Variants in SEC14L1 observed in about 807,000 individuals in gnomAD.
SEC14L1 encodes SEC14-like protein 1.
Under a neutral mutation model 85.3 loss-of-function variants are expected in SEC14L1, and 48 were observed. That is an observed-to-expected ratio of 0.56 (90% CI 0.45 to 0.72). The LOEUF (loss-of-function observed/expected upper bound fraction) is 0.72, where lower values mean the gene tolerates loss of function less well. Among genes scored for constraint, SEC14L1 ranks in the 30% least tolerant of loss-of-function variants. The pLI is 0.00. For missense variants in SEC14L1, 682 were observed against 921.4 expected, an observed-to-expected ratio of 0.74 and a Z score of 3.36; for synonymous variants, 391 against 355.5, an observed-to-expected ratio of 1.10 and a Z score of -1.12.
chr17:77,212,235 T>C (rs1324194181), intron 15 of SEC14L1, 34 bp downstream of exon 15: 1 of 1,607,574 alleles, frequency 6.2e-7, no homozygotes, highest in Non-Finnish European at 8.5e-7. Context: ...CGCGCATCCG[T>C]GACTCCACAC....
chr17:77,111,009 C>T (rs1013096692), intron 3 of SEC14L1, among the ~76,000 whole-genome samples: 3 of 151,098 alleles, frequency 2.0e-5, no homozygotes, highest in African/African-American at 7.3e-5. Context: ...GCCTTGCCAA[C>T]ATGGTGAAAC....
At chr17:77,107,212 A>G (rs140817181) in intron 3 of SEC14L1, among the ~76,000 whole-genome samples, 94 of 152,260 alleles carry the variant, frequency 6.2e-4, no homozygotes, top group African/African-American at 2.1e-3. Context: ...CTTCAGGACC[A>G]CTTAGCCCAC....
chr17:77,164,828 G>T (rs974661708), intron 3 of SEC14L1, among the ~76,000 whole-genome samples: 1 of 152,156 alleles, frequency 6.6e-6, no homozygotes, highest in African/African-American at 2.4e-5. Flanking sequence ...ATAATTGTGT[G>T]GCAGAGAAGG....
rs578095610 is a variant in SEC14L1, at chr17:77,191,224, T to G, written c.257T>G (p.Leu86Arg). The change falls in exon 5 of 17, where the codon CTG (leucine) becomes CGG (arginine). Residue 86 changes from leucine to arginine, a missense_variant. Leu to Arg is a moderately radical substitution (Grantham distance 102). Transcript: ENST00000436233. ...GTTTATTTTGTCCAGAAAAACTCACTGAATTCTCGGGAACGTACTTTGCAC... is the reference window on the plus strand; with the variant it reads ...GTTTATTTTGTCCAGAAAAACTCACGGAATTCTCGGGAACGTACTTTGCAC... ...DYVYFVQKNS[L>R]NSRERTLHIE... 1.2e-6 allele frequency: 2 copies of G among 1,613,778 alleles called. No homozygotes were observed. The highest frequency in any genetic ancestry group is 2.2e-5 in the South Asian group (2 of 91,078).
chr17:77,185,586 G>A (rs1216743357), intron 3 of SEC14L1, among the ~76,000 whole-genome samples: 2 of 152,144 alleles, frequency 1.3e-5, no homozygotes, highest in African/African-American at 2.4e-5. Flanking sequence ...CTTAGTAAGT[G>A]CTTACTCTGC....
upstream of SEC14L1, among the ~76,000 whole-genome samples, chr17:77,139,538 A>C (rs1254747): frequency 0.99 from 145,713 of 147,552 alleles, 71,980 homozygotes; most frequent in East Asian, 1. Context: ...CGCTCTGTCG[A>C]CCAGGCTGGG....
At chr17:77,201,805 G>A (rs1027364511) in intron 9 of SEC14L1, among the ~76,000 whole-genome samples, 5 of 152,242 alleles carry the variant, frequency 3.3e-5, no homozygotes, top group South Asian at 4.2e-4. Flanking sequence ...AGGCCTTTCC[G>A]TAAGATTTTG....
intron 9 of SEC14L1, among the ~76,000 whole-genome samples, chr17:77,203,231 C>T (rs563819715): frequency 1.3e-3 from 196 of 152,326 alleles, no homozygotes; most frequent in Non-Finnish European, 2.4e-3. Flanking sequence ...GTGAGCCCAG[C>T]TTATGGGCAG....
intron 1 of SEC14L1, chr17:77,141,815 T>G (rs576594124): frequency 4.6e-5 from 7 of 152,178 alleles, no homozygotes; most frequent in Non-Finnish European, 1.0e-4. Flanking sequence ...TTCCCCCAAC[T>G]CTTGTTTGTA....
intron 3 of SEC14L1, among the ~76,000 whole-genome samples, chr17:77,146,091 C>G (rs1973289550): frequency 6.6e-6 from 1 of 152,184 alleles, no homozygotes; most frequent in Non-Finnish European, 1.5e-5. Flanking sequence ...TGCCCTGGTC[C>G]TGGGTTTGAG....
At position 77,205,321 on chromosome 17, in the gene SEC14L1, A is replaced by G; in HGVS notation, c.1144A>G (p.Thr382Ala). The part of the protein sequence containing the change: ...EEGLRRCEEN[T>A]KVFGRPISSW... ...AGGGCTAAGGCGATGCGAAGAGAAT[A>G]CAAAAGTCTTTGGTCGGCCTATCAG... Residue 382 changes from threonine (T) to alanine (A), a missense_variant, in exon 11 of 17, where the codon ACA becomes GCA. This residue lies in a region of SEC14L1 where 420 missense variants were observed against 619.5 expected (regional missense o/e 0.68). Coordinates refer to ENST00000436233, the MANE Select transcript of SEC14L1 (RefSeq NM_001143998.2). The G allele has an allele frequency of 6.2e-7, 1 of 1,614,216 alleles. No individual in the cohort carries two copies. The highest frequency in any genetic ancestry group is 8.5e-7 in the Non-Finnish European group (1 of 1,180,028).
In SEC14L1 at chr17:77,215,753, G is replaced by A. The variant is rs1474341443; in HGVS notation, c.*1730G>A. The A allele has an allele frequency of 4.2e-5, 41 of 987,034 alleles. No homozygotes were observed. The highest frequency in any genetic ancestry group is 1.8e-4 in the Admixed American group (3 of 16,596). The allele number at this position is 987,034 out of a possible 1,614,324, so 61.1% of individuals were successfully genotyped here. A position where few individuals can be genotyped will look rare whatever the true frequency, so the allele number is the denominator to read the frequency against. ...GTAGGGCTAGTAGGTAGGGTTAGTA[G>A]GTAGGGCTAGTAGGTAGGGCTAGTA... On this transcript the variant is annotated 3_prime_UTR_variant, in exon 17 of 17. Coordinates refer to ENST00000436233, the MANE Select transcript of SEC14L1 (RefSeq NM_001143998.2).
In SEC14L1 at chr17:77,121,522, C is replaced by T. The variant is rs565979600; in HGVS notation, c.-135-21124C>T. On this transcript the variant is annotated intron_variant, in intron 3 of 19. Transcript: ENST00000392476. ...TACAGGCACGTGCCACCATGCCCGG[C>T]TAATTTTTGTATTTTCAGTAGAGAC... Among the ~76,000 whole-genome samples the T allele has an allele frequency of 3.3e-5, 5 of 152,242 alleles. No individual in the cohort carries two copies. The South Asian group carries it at 1.0e-3, about 32-fold the overall frequency.
chr17:77,213,790 T>G lies in SEC14L1; in HGVS notation c.2043-128T>G, dbSNP rs976986463. On this transcript the variant is annotated intron_variant, in intron 16 of 16. Transcript: ENST00000436233. This position sits in a 1 kb window ranked among gnomAD's most constrained non-coding sequence, Gnocchi z 7.1. Reference sequence around the variant, plus strand: ...GGGTTACTCATGTCCATCCCCCGTTTGCAAGCACTGATGGGGATGAGAAGT... The same window carrying G: ...GGGTTACTCATGTCCATCCCCCGTTGGCAAGCACTGATGGGGATGAGAAGT... 6.5e-6 allele frequency: 8 copies of G among 1,230,546 alleles called. No individual in the cohort carries two copies. The African/African-American group carries it at 1.2e-4, about 18-fold the overall frequency. The allele number at this position is 1,230,546 out of a possible 1,614,324, so 76.2% of individuals were successfully genotyped here. A position where few individuals can be genotyped will look rare whatever the true frequency, so the allele number is the denominator to read the frequency against.
intron 3 of SEC14L1, among the ~76,000 whole-genome samples, chr17:77,177,681 A>G (rs1205697333): frequency 6.6e-6 from 1 of 152,168 alleles, no homozygotes; most frequent in African/African-American, 2.4e-5. Context: ...AGATCTGAAT[A>G]GTAGTCTTGC....
chr17:77,137,026 C>T (rs923799913), upstream of SEC14L1, among the ~76,000 whole-genome samples: 1 of 151,994 alleles, frequency 6.6e-6, no homozygotes, highest in Non-Finnish European at 1.5e-5. Flanking sequence ...TCTCCTGCCT[C>T]AGCCTCCAGA....
rs1653729755 is a variant in SEC14L1, at chr17:77,215,311, G to A, written c.*1288G>A. ...AGGTTATTTGAGAATCTGTCCAGAA[G>A]TTGCATAGGGGATGGCCTCCACGAT... On this transcript the variant is annotated 3_prime_UTR_variant, in exon 17 of 17. Coordinates refer to ENST00000436233, the MANE Select transcript of SEC14L1 (RefSeq NM_001143998.2). The A allele has an allele frequency of 1.0e-6, 1 of 985,254 alleles. No homozygotes were observed. Among genetic ancestry groups the A allele is most frequent in the South Asian group, 4.7e-5 (1 of 21,290 alleles). 61.0% of individuals were successfully genotyped at this position (985,254 alleles called of 1,614,324 possible). A position where few individuals can be genotyped will look rare whatever the true frequency, so the allele number is the denominator to read the frequency against.
chr17:77,172,816 G>C (rs571889474), intron 3 of SEC14L1, among the ~76,000 whole-genome samples: 72 of 152,256 alleles, frequency 4.7e-4, no homozygotes, highest in Non-Finnish European at 1.2e-4. Flanking sequence ...TTTGGATGCG[G>C]AATACAGATT....
At chr17:77,156,436 G>T (rs949695445) in intron 3 of SEC14L1, among the ~76,000 whole-genome samples, 1 of 152,052 alleles carries the variant, frequency 6.6e-6, no homozygotes, top group Admixed American at 6.6e-5. Flanking sequence ...TTAGCTGGGC[G>T]TGGTGGCGTA....
Sources: gnomAD v4.1 joint callset for allele counts (sites outside exome capture counted in the v4.1 genomes callset) on GRCh38, gnomAD v4.1.1 for gene constraint, gnomAD v4.1.1 regional missense constraint, Gnocchi (gnomAD v3.1) non-coding constraint, MANE v1.5 for transcripts, NCBI Gene and HGNC (gene_info 2026-07-23, HGNC 2026-07-21) for gene names.